The following TRHDE variants were observed in gnomAD, a reference collection of about 807,000 sequenced individuals.
TRHDE encodes the protein thyrotropin-releasing hormone-degrading ectoenzyme.
A neutral mutation model predicts 125.7 loss-of-function variants in TRHDE; 72 were observed. That is an observed-to-expected ratio of 0.57 (90% confidence interval 0.47 to 0.70). The LOEUF (loss-of-function observed/expected upper bound fraction) is 0.70, where lower values mean the gene tolerates loss of function less well. TRHDE is among the 30% of genes least tolerant of loss of function. The pLI, the probability that TRHDE is intolerant of heterozygous loss-of-function variation, is 0.00. For synonymous variants in TRHDE, 509 were observed against 509.1 expected (o/e 1.00, Z 0.00); for missense variants, 1,110 against 1,327.1 (o/e 0.84, Z 2.54).
At chr12:72,250,573 G>T (rs1334655972) in intron 2 of TRHDE, among the ~76,000 whole-genome samples, 3 of 151,936 alleles carry the variant, frequency 2.0e-5, no homozygotes, top group Non-Finnish European at 4.4e-5. Flanking sequence ...TAGTCAAAAG[G>T]CAACTTAAAA....
At chr12:72,145,487 A>G (rs1184786381) in intron 2 of TRHDE, among the ~76,000 whole-genome samples, 2 of 152,230 alleles carry the variant, frequency 1.3e-5, no homozygotes, top group Non-Finnish European at 2.9e-5. Flanking sequence ...GCTTGGTTTT[A>G]ATATACATCC....
At chr12:72,360,680 A>G (rs1432772377) in intron 2 of TRHDE, among the ~76,000 whole-genome samples, 1 of 151,830 alleles carries the variant, frequency 6.6e-6, no homozygotes, top group Admixed American at 6.6e-5. Context: ...AGTAAAACTG[A>G]GTAAAAAATA....
chr12:72,350,822 T>G (rs1870548369), intron 2 of TRHDE, among the ~76,000 whole-genome samples: 2 of 152,142 alleles, frequency 1.3e-5, no homozygotes, highest in Middle Eastern at 3.4e-3. Context: ...ATAACATCCC[T>G]AGCGGTTTGG....
intron 2 of TRHDE, among the ~76,000 whole-genome samples, chr12:72,121,952 C>T (rs902744950): frequency 6.6e-6 from 1 of 152,088 alleles, no homozygotes; most frequent in African/African-American, 2.4e-5. Context: ...CAGGCCAGCT[C>T]TCTGTGCCTC....
At chr12:72,232,742 C>A (rs1328986658) in intron 2 of TRHDE, among the ~76,000 whole-genome samples, 1 of 152,038 alleles carries the variant, frequency 6.6e-6, no homozygotes, top group African/African-American at 2.4e-5. Context: ...AACATATCCC[C>A]ATGGCTTCTT....
chr12:72,618,097 G>A (rs1341060322), intron 12 of TRHDE, among the ~76,000 whole-genome samples: 1 of 151,992 alleles, frequency 6.6e-6, no homozygotes, highest in Non-Finnish European at 1.5e-5. Flanking sequence ...CTTTGATTTT[G>A]CAAGAATATT....
intron 6 of TRHDE, among the ~76,000 whole-genome samples, chr12:72,518,287 T>C (rs1345603743): frequency 1.4e-5 from 2 of 145,174 alleles, no homozygotes; most frequent in East Asian, 2.1e-4. Context: ...TCTAAGTCTC[T>C]TTGTAGGTCA....
At chr12:72,316,167 T>G (rs532038069) in intron 2 of TRHDE, among the ~76,000 whole-genome samples, 2 of 152,100 alleles carry the variant, frequency 1.3e-5, no homozygotes, top group Non-Finnish European at 2.9e-5. Flanking sequence ...GAAAAGACAC[T>G]GATATATTTA....
intron 6 of TRHDE, among the ~76,000 whole-genome samples, chr12:72,530,416 C>CTTT (rs71438816): frequency 0.11 from 7,719 of 68,064 alleles, 617 homozygotes; most frequent in East Asian, 0.35. Flanking sequence ...TTCCTAGAAG[C>CTTT]TTTTTTTTTT....
chr12:72,527,800 G>A (rs1314956684), intron 6 of TRHDE, among the ~76,000 whole-genome samples: 6 of 151,918 alleles, frequency 3.9e-5, no homozygotes, highest in Admixed American at 3.9e-4. Flanking sequence ...TATTAGAAAA[G>A]AAAAACTAGA....
intron 12 of TRHDE, among the ~76,000 whole-genome samples, chr12:72,600,269 G>GT (rs960054799): frequency 5.9e-5 from 9 of 151,760 alleles, no homozygotes; most frequent in South Asian, 2.1e-4. Context: ...TTTTAGAATA[G>GT]TTTTTTTTCT....
intron 2 of TRHDE, among the ~76,000 whole-genome samples, chr12:72,296,418 C>A (rs997131087): frequency 1.3e-5 from 2 of 152,182 alleles, no homozygotes; most frequent in African/African-American, 4.8e-5. Context: ...GGAACTGAAT[C>A]CAGTGCAGAC....
rs1247821348 is a variant in TRHDE, at chr12:72,286,772, A to G, written c.1006A>G (p.Ser336Gly). Residue 336 changes from serine to glycine, a missense_variant, in exon 2 of 19, where the codon AGC (serine) becomes GGC (glycine). By Grantham distance (56) the Ser-to-Gly change is moderately conservative. Around this residue, in one of 5 missense-constraint regions of TRHDE, gnomAD observed 252 missense variants for 274.8 expected, o/e 0.92. Coordinates refer to ENST00000261180, the MANE Select transcript of TRHDE (RefSeq NM_013381.3). ...EPIYKATFKISIKHQATYLSL... is the reference protein window; with the variant it reads ...EPIYKATFKIGIKHQATYLSL... ...AATCTACAAGGCTACTTTCAAAATC[A>G]GCATCAAGCATCAAGCAACCTATTT... The G allele has an allele frequency of 1.2e-6, 2 of 1,613,932 alleles. No individual in the cohort carries two copies. Among genetic ancestry groups the G allele is most frequent in the East Asian group, 2.2e-5 (1 of 44,862 alleles).
At chr12:72,566,530 AT>A (rs1164115025) in intron 9 of TRHDE, among the ~76,000 whole-genome samples, 3 of 151,684 alleles carry the variant, frequency 2.0e-5, no homozygotes, top group East Asian at 1.9e-4. Flanking sequence ...TATTTTAGAT[AT>A]TTTTTTCTAA....
intron 15 of TRHDE, among the ~76,000 whole-genome samples, chr12:72,644,968 A>G (rs1375991481): frequency 6.6e-6 from 1 of 152,228 alleles, no homozygotes; most frequent in Non-Finnish European, 1.5e-5. Flanking sequence ...GAATAAAGAC[A>G]GTTAGTAGAG....
chr12:72,277,663 C>G (rs752348008), intron 1 of TRHDE, among the ~76,000 whole-genome samples: 2 of 152,076 alleles, frequency 1.3e-5, no homozygotes, highest in East Asian at 3.9e-4. Flanking sequence ...CACCAGTAAA[C>G]CGTATCTAGA....
At chr12:72,155,699 A>G (rs116287237) in intron 2 of TRHDE, among the ~76,000 whole-genome samples, 4,580 of 152,250 alleles carry the variant, frequency 0.03, 122 homozygotes, top group African/African-American at 0.068. Flanking sequence ...AGAGGCTGCA[A>G]AACAATGGAT....
intron 2 of TRHDE, chr12:72,167,776 G>A (rs1284169991): frequency 6.6e-6 from 1 of 152,190 alleles, no homozygotes; most frequent in Non-Finnish European, 1.5e-5. Context: ...TGTAATGGGA[G>A]ACATGGGAAT....
intron 14 of TRHDE, 27 bp downstream of exon 14, chr12:72,621,232 C>G (rs182929650): frequency 3.5e-6 from 5 of 1,437,226 alleles, no homozygotes; most frequent in South Asian, 1.1e-5. Context: ...TTATCCTCTT[C>G]TTTACCCCTA....
Sources: gnomAD v4.1 joint callset for allele counts (sites outside exome capture counted in the v4.1 genomes callset) on GRCh38, gnomAD v4.1.1 for gene constraint, gnomAD v4.1.1 regional missense constraint, MANE v1.5 for transcripts, NCBI Gene and HGNC (gene_info 2026-07-23, HGNC 2026-07-21) for gene names.